SNTB1: variants seen among roughly 807,000 people sequenced by gnomAD.
SNTB1 encodes syntrophin beta 1, also known as beta-1-syntrophin.
SNTB1 carries 36 observed loss-of-function variants against 48.9 expected under a neutral mutation model. That is an observed-to-expected ratio of 0.74 (90% CI 0.56 to 0.97). The LOEUF (loss-of-function observed/expected upper bound fraction) is 0.97. Among genes scored for constraint, SNTB1 ranks in the 50% least tolerant of loss-of-function variants. SNTB1 has a pLI of 0.00. For missense variants in SNTB1, 786 were observed against 703.4 expected (o/e 1.12, Z -1.33); for synonymous variants, 299 against 294.6 (o/e 1.01, Z -0.15).
At chr8:120,793,105 C>G (rs192001630) in intron 1 of SNTB1, among the ~76,000 whole-genome samples, 1 of 151,896 alleles carries the variant, frequency 6.6e-6, no homozygotes, top group African/African-American at 2.4e-5. Flanking sequence ...GTATCATGAG[C>G]TTGGAGATGC....
chr8:120,597,997 T>C (rs1301197569), intron 3 of SNTB1, among the ~76,000 whole-genome samples: 3 of 152,202 alleles, frequency 2.0e-5, no homozygotes, highest in Non-Finnish European at 4.4e-5. Flanking sequence ...ACTACAAAAG[T>C]CTTCATTAAT....
chr8:120,781,442 C>T (rs1029106141), intron 1 of SNTB1, among the ~76,000 whole-genome samples: 1 of 152,020 alleles, frequency 6.6e-6, no homozygotes, highest in Non-Finnish European at 1.5e-5. Flanking sequence ...ACCATGAAAA[C>T]TATTAAGTGT....
In SNTB1 at chr8:120,541,874, T is replaced by C; in HGVS notation, c.1460A>G (p.Lys487Arg). 1.2e-6 allele frequency: 2 copies of C among 1,614,066 alleles called. No homozygotes were observed. Among genetic ancestry groups the C allele is most frequent in the South Asian group, 2.2e-5 (2 of 91,080 alleles). The change falls in exon 6 of 7, where the codon AAA becomes AGA. Residue 487 changes from lysine to arginine, a missense_variant. Transcript: ENST00000517992. ...CCTGATTCCATCATCTGAAGACATT[T>C]TGAGCTTTTCATAAGGAGACTGTAT... Reference protein sequence around the residue: ...TIIQSPYEKLKMSSDDGIRML... With the variant: ...TIIQSPYEKLRMSSDDGIRML...
At chr8:120,767,611 A>C (rs889031350) in intron 1 of SNTB1, among the ~76,000 whole-genome samples, 4 of 152,182 alleles carry the variant, frequency 2.6e-5, no homozygotes, top group Non-Finnish European at 5.9e-5. Context: ...TCTGACACTC[A>C]TTACTGTGAG....
intron 3 of SNTB1, among the ~76,000 whole-genome samples, chr8:120,577,986 A>C (rs1477527030): frequency 6.6e-6 from 1 of 152,114 alleles, no homozygotes; most frequent in Non-Finnish European, 1.5e-5. Flanking sequence ...GCCTATGGGG[A>C]CAAACAACTT....
chr8:120,545,660 C>T (rs1457584543), intron 5 of SNTB1, among the ~76,000 whole-genome samples: 1 of 152,222 alleles, frequency 6.6e-6, no homozygotes, highest in African/African-American at 2.4e-5. Context: ...TACAACAGGG[C>T]TTTCTACTGT....
intron 3 of SNTB1, among the ~76,000 whole-genome samples, chr8:120,592,907 C>T (rs1034113213): frequency 6.6e-6 from 1 of 152,090 alleles, no homozygotes; most frequent in Non-Finnish European, 1.5e-5. Context: ...ACGCTGCCGG[C>T]GTTCTGTAAA....
At chr8:120,608,931 G>C (rs1816570612) in intron 3 of SNTB1, among the ~76,000 whole-genome samples, 1 of 152,174 alleles carries the variant, frequency 6.6e-6, no homozygotes, top group African/African-American at 2.4e-5. Flanking sequence ...AAAAGTAATT[G>C]CTACCTTGGG....
At chr8:120,656,799 G>A (rs796201164) in intron 2 of SNTB1, among the ~76,000 whole-genome samples, 7 of 152,248 alleles carry the variant, frequency 4.6e-5, no homozygotes, top group East Asian at 1.9e-4. Flanking sequence ...AGATAAACAC[G>A]GAATAATTTT....
intron 1 of SNTB1, among the ~76,000 whole-genome samples, chr8:120,757,679 G>C (rs1819340933): frequency 6.6e-6 from 1 of 152,138 alleles, no homozygotes; most frequent in East Asian, 1.9e-4. Flanking sequence ...CTTCTTCTGT[G>C]AAAAACTTCC....
At chr8:120,767,736 C>T (rs144644355) in intron 1 of SNTB1, among the ~76,000 whole-genome samples, 307 of 152,270 alleles carry the variant, frequency 2.0e-3, no homozygotes, top group Non-Finnish European at 3.6e-3. Context: ...CACCTAAAGC[C>T]ATTGCAAGAG....
chr8:120,540,243 C>G (rs964125166), intron 6 of SNTB1, among the ~76,000 whole-genome samples: 1 of 152,110 alleles, frequency 6.6e-6, no homozygotes, highest in Non-Finnish European at 1.5e-5. Context: ...TGGTCCCTTC[C>G]CCCTCCACAC....
chr8:120,617,324 T>TA (rs767529219), intron 3 of SNTB1, among the ~76,000 whole-genome samples: 1 of 152,276 alleles, frequency 6.6e-6, no homozygotes, highest in East Asian at 1.9e-4. Flanking sequence ...ATGTGGTTCT[T>TA]AGAGTTGGGA....
intron 1 of SNTB1, among the ~76,000 whole-genome samples, chr8:120,758,889 T>C (rs938961736): frequency 6.6e-6 from 1 of 152,148 alleles, no homozygotes; most frequent in East Asian, 1.9e-4. Context: ...CATCCTATCA[T>C]CTAAGTCCAG....
At chr8:120,577,173 T>C (rs970907947) in intron 3 of SNTB1, among the ~76,000 whole-genome samples, 2 of 152,236 alleles carry the variant, frequency 1.3e-5, no homozygotes, top group African/African-American at 2.4e-5. Flanking sequence ...GAAGAACTCA[T>C]TGCTTGATGA....
chr8:120,690,981 G>C (rs1405817238), intron 2 of SNTB1, among the ~76,000 whole-genome samples: 1 of 152,194 alleles, frequency 6.6e-6, no homozygotes, highest in Non-Finnish European at 1.5e-5. Context: ...CACCACAGCA[G>C]AACAGGCTCT....
chr8:120,694,265 A>C (rs1818174625), intron 1 of SNTB1, among the ~76,000 whole-genome samples: 1 of 152,206 alleles, frequency 6.6e-6, no homozygotes. Context: ...AAGATACGTT[A>C]TTCAATATAG....
intron 3 of SNTB1, among the ~76,000 whole-genome samples, chr8:120,629,773 T>C (rs1362674294): frequency 6.6e-6 from 1 of 152,212 alleles, no homozygotes; most frequent in Admixed American, 6.5e-5. Flanking sequence ...TTATCCATGA[T>C]CATTATTGCT....
In SNTB1 at chr8:120,797,090, T is replaced by C. The variant is rs139453423; in HGVS notation, c.571+14183A>G. On this transcript the variant is annotated intron_variant, in intron 1 of 6. Transcript: ENST00000517992. The stretch of plus-strand genomic sequence containing the variant: ...CAGGCCTATGGCCATTTTCAAGGAA[T>C]ATACGATTTAATTCAGTGTTTGGAA... Among the ~76,000 whole-genome samples the C allele has an allele frequency of 9.9e-4, 150 of 152,154 alleles. 1 individual carries two copies. The highest frequency in any genetic ancestry group is 3.4e-3 in the African/African-American group (143 of 41,546).
Sources: gnomAD v4.1 joint callset for allele counts (sites outside exome capture counted in the v4.1 genomes callset) on GRCh38, gnomAD v4.1.1 for gene constraint, MANE v1.5 for transcripts, NCBI Gene and HGNC (gene_info 2026-07-23, HGNC 2026-07-21) for gene names.